ROCK1: variants seen among roughly 807,000 people sequenced by gnomAD.
ROCK1 encodes rho-associated protein kinase 1.
In ROCK1, 36 loss-of-function variants were observed where a neutral mutation model predicts 196.8. That is an observed-to-expected ratio of 0.18 (90% CI 0.14 to 0.24). ROCK1 has a LOEUF of 0.24. ROCK1 is among the 10% of genes least tolerant of loss of function. ROCK1 has a pLI of 1.00. For missense variants in ROCK1, 920 were observed against 1,562.0 expected, an observed-to-expected ratio of 0.59 and a Z score of 6.93; for synonymous variants, 443 against 515.9, an observed-to-expected ratio of 0.86 and a Z score of 1.91.
chr18:20,958,675 A>C lies in ROCK1; in HGVS notation c.3512+1165T>G, dbSNP rs2035270386. On this transcript the variant is annotated intron_variant, in intron 29 of 32. Coordinates refer to ENST00000399799, the MANE Select transcript of ROCK1 (RefSeq NM_005406.3). ...TGATTCCAGGAACTCCAAAAATATC[A>C]AAGTCCAAGTATGCTCAAGGCTCTT... Among the ~76,000 whole-genome samples, 3 of 150,722 alleles carry C rather than the reference A, an allele frequency of 2.0e-5. No individual in the cohort carries two copies. The Admixed American group carries it at 2.0e-4, about 10-fold the overall frequency.
chr18:20,961,528 T>C (rs2035326515), intron 27 of ROCK1, among the ~76,000 whole-genome samples: 2 of 152,300 alleles, frequency 1.3e-5, no homozygotes, highest in East Asian at 3.9e-4. Flanking sequence ...GTAAACGGAC[T>C]TGGGCAAGGC....
intron 1 of ROCK1, among the ~76,000 whole-genome samples, chr18:21,085,807 T>C (rs748568438): frequency 1.3e-5 from 2 of 152,216 alleles, no homozygotes; most frequent in Admixed American, 6.5e-5. Flanking sequence ...CAAGATAGTA[T>C]CAGTAACAAC....
chr18:20,980,457 G>T lies in ROCK1; in HGVS notation c.2560-453C>A, dbSNP rs539205039. ...AATCATGGAAAAACAGTCATTGTCT[G>T]TGTATAGAGGTGGGTGGGGAAAATG... On this transcript the variant is annotated intron_variant, in intron 21 of 32. Coordinates refer to ENST00000399799, the MANE Select transcript of ROCK1 (RefSeq NM_005406.3). Among the ~76,000 whole-genome samples, 33 of 152,256 alleles carry T rather than the reference G, an allele frequency of 2.2e-4. No individual in the cohort carries two copies. The South Asian group carries it at 6.2e-3, about 29-fold the overall frequency.
In ROCK1 at chr18:21,006,489, T is replaced by C. The variant is rs1421004485; in HGVS notation, c.1747A>G (p.Arg583Gly). The change falls in exon 16 of 33, where the codon AGA (arginine) becomes GGA (glycine). Residue 583 changes from arginine (R) to glycine (G), a missense_variant. Coordinates refer to ENST00000399799, the MANE Select transcript of ROCK1 (RefSeq NM_005406.3). Reference sequence around the variant, plus strand: ...ATTCGATTTCTCTCTTGCAACTCTCTGTTCAGGGACTCTAACTGACTAATT... The same window carrying C: ...ATTCGATTTCTCTCTTGCAACTCTCCGTTCAGGGACTCTAACTGACTAATT... ...KSISQLESLN[R>G]ELQERNRILE... 1.2e-6 allele frequency: 2 copies of C among 1,613,800 alleles called. No homozygotes were observed. The highest frequency in any genetic ancestry group is 1.3e-5 in the African/African-American group (1 of 74,920).
At chr18:21,069,823 C>A (rs909279001) in intron 2 of ROCK1, among the ~76,000 whole-genome samples, 1 of 151,946 alleles carries the variant, frequency 6.6e-6, no homozygotes, top group African/African-American at 2.4e-5. Flanking sequence ...AGTTCAGAAT[C>A]TGGCACCATA....
chr18:20,956,859 C>T (rs2847097), intron 29 of ROCK1, among the ~76,000 whole-genome samples: 4 of 151,610 alleles, frequency 2.6e-5, no homozygotes, highest in South Asian at 2.1e-4. Flanking sequence ...AATTTAAAAA[C>T]GGGCAAAAGA....
intron 21 of ROCK1, among the ~76,000 whole-genome samples, chr18:20,980,708 A>G (rs2035523851): frequency 6.6e-6 from 1 of 151,934 alleles, no homozygotes; most frequent in African/African-American, 2.4e-5. Context: ...CAAGGTCAGG[A>G]GATTGAGAGC....
At chr18:20,976,095 C>T (rs958577431) in intron 22 of ROCK1, among the ~76,000 whole-genome samples, 7 of 152,124 alleles carry the variant, frequency 4.6e-5, no homozygotes, top group African/African-American at 1.7e-4. Flanking sequence ...TGATCCTACA[C>T]TATGGATTAC....
rs1012269998 is a variant in ROCK1 at position 20,947,018 on chromosome 18, T to C, written c.*4366A>G. The stretch of plus-strand genomic sequence containing the variant: ...TTCACAATCTTTGCATTATACACTT[T>C]ATTTCTAAGCATTTATATTTTTTCC... On this transcript the variant is annotated 3_prime_UTR_variant, in exon 33 of 33. Coordinates refer to ENST00000399799, the MANE Select transcript of ROCK1 (RefSeq NM_005406.3). 11 of 152,220 alleles carry C rather than the reference T, an allele frequency of 7.2e-5. No individual in the cohort carries two copies. Among genetic ancestry groups the C allele is most frequent in the African/African-American group, 2.4e-4 (10 of 41,456 alleles). 9.4% of individuals were successfully genotyped at this position (152,220 alleles called of 1,614,324 possible). A position where few individuals can be genotyped will look rare whatever the true frequency, so the allele number is the denominator to read the frequency against.
chr18:21,079,628 AG>A (rs1486605399), intron 1 of ROCK1, among the ~76,000 whole-genome samples: 1 of 152,166 alleles, frequency 6.6e-6, no homozygotes, highest in Non-Finnish European at 1.5e-5. Flanking sequence ...TGGAACCGGA[AG>A]GGTTGGGACT....
At chr18:21,025,564 C>T (rs1231784291) in intron 10 of ROCK1, among the ~76,000 whole-genome samples, 2 of 152,110 alleles carry the variant, frequency 1.3e-5, no homozygotes, top group East Asian at 1.9e-4. Context: ...TGGCAAAACC[C>T]CATCTCTAAT....
In ROCK1 at chr18:21,049,897, G is replaced by A. The variant is rs754941266; in HGVS notation, c.176-17C>T. On this transcript the variant is annotated splice_polypyrimidine_tract_variant and intron_variant, in intron 2 of 32. Transcript: ENST00000399799. ...TGTCTTTATCTGTATGAAAAGAAAA[G>A]TTTATCATTTTAAATCACTAAAGCA... 4 of 1,439,328 alleles carry A rather than the reference G, an allele frequency of 2.8e-6. No homozygotes were observed. In the South Asian group the frequency reaches 5.0e-5, roughly 18 times the overall value. 89.2% of individuals were successfully genotyped at this position (1,439,328 alleles called of 1,614,324 possible). A position where few individuals can be genotyped will look rare whatever the true frequency, so the allele number is the denominator to read the frequency against.
intron 1 of ROCK1, among the ~76,000 whole-genome samples, chr18:21,079,725 A>G (rs1413618034): frequency 6.6e-6 from 1 of 152,140 alleles, no homozygotes; most frequent in Non-Finnish European, 1.5e-5. Flanking sequence ...ATGGCTACTA[A>G]AAGAACTGGG....
chr18:21,077,068 G>A (rs2143562387), intron 1 of ROCK1, among the ~76,000 whole-genome samples: 1 of 151,006 alleles, frequency 6.6e-6, no homozygotes, highest in South Asian at 2.1e-4. Flanking sequence ...CCGCTTCCCG[G>A]GTTCACGCCA....
At chr18:20,973,984 A>T (rs1304194759) in intron 22 of ROCK1, among the ~76,000 whole-genome samples, 1 of 151,696 alleles carries the variant, frequency 6.6e-6, no homozygotes, top group East Asian at 2.0e-4. Flanking sequence ...GTTAGCCAGA[A>T]TGGTCTCGAT....
chr18:20,947,026 A>G lies in ROCK1; in HGVS notation c.*4358T>C, dbSNP rs1293172684. On this transcript the variant is annotated 3_prime_UTR_variant, in exon 33 of 33. Transcript: ENST00000399799. ...CTTTGCATTATACACTTTATTTCTA[A>G]GCATTTATATTTTTTCCCTTGAATC... is the stretch of plus-strand genomic sequence containing the variant. The G allele has an allele frequency of 6.6e-6, 1 of 152,204 alleles. No homozygotes were observed. Among genetic ancestry groups the G allele is most frequent in the Non-Finnish European group, 1.5e-5 (1 of 68,044 alleles). 9.4% of individuals were successfully genotyped at this position (152,204 alleles called of 1,614,324 possible).
intron 2 of ROCK1, among the ~76,000 whole-genome samples, chr18:21,052,135 A>G (rs529316718): frequency 1.3e-5 from 2 of 152,336 alleles, no homozygotes; most frequent in South Asian, 4.1e-4. Context: ...TTTGAAATCT[A>G]AAAGATCTTT....
chr18:21,016,677 G>C (rs1407312113), intron 12 of ROCK1, among the ~76,000 whole-genome samples: 1 of 151,962 alleles, frequency 6.6e-6, no homozygotes, highest in African/African-American at 2.4e-5. Context: ...TTCTCTTCTA[G>C]AGTCCCTAAG....
chr18:21,073,048 AAG>A, intron 1 of ROCK1, among the ~76,000 whole-genome samples: 1 of 113,696 alleles, frequency 8.8e-6, no homozygotes, highest in Non-Finnish European at 1.7e-5. Flanking sequence ...GCCTGGGTGA[AAG>A]AGACTCCGTC....
Sources: allele counts gnomAD v4.1 joint callset (sites outside exome capture counted in the v4.1 genomes callset), GRCh38; gene constraint gnomAD v4.1.1; transcripts MANE v1.5; gene names NCBI Gene and HGNC (gene_info 2026-07-23, HGNC 2026-07-21).